Variants in RBFOX1 observed in about 807,000 individuals in gnomAD.
The protein encoded by RBFOX1 is RNA binding protein fox-1 homolog 1.
RBFOX1 carries 8 observed loss-of-function variants against 57.7 expected under a neutral mutation model. That is an observed-to-expected ratio of 0.14 (90% CI 0.08 to 0.25). RBFOX1 has a LOEUF of 0.25. RBFOX1 is among the 10% of genes least tolerant of loss of function. RBFOX1 has a pLI of 1.00. For missense variants in RBFOX1, 611 were observed against 548.5 expected (o/e 1.11, Z -1.14); for synonymous variants, 326 against 222.4 (o/e 1.47, Z -4.15).
At chr16:5,892,588 C>G (rs1328306265) in intron 4 of RBFOX1, among the ~76,000 whole-genome samples, 1 of 152,120 alleles carries the variant, frequency 6.6e-6, no homozygotes, top group Non-Finnish European at 1.5e-5. Context: ...GAGGCAATAA[C>G]CACTTTTTTT....
intron 1 of RBFOX1, among the ~76,000 whole-genome samples, chr16:5,286,429 A>G (rs1478314144): frequency 6.6e-6 from 1 of 152,212 alleles, no homozygotes; most frequent in Admixed American, 6.5e-5. Flanking sequence ...TGTGAGCACT[A>G]GCTCTGGAGG....
At chr16:7,235,519 C>A (rs370155136) in intron 4 of RBFOX1, among the ~76,000 whole-genome samples, 1 of 152,092 alleles carries the variant, frequency 6.6e-6, no homozygotes, top group African/African-American at 2.4e-5. Context: ...ATTTTATGGG[C>A]CCCCGTAGCT....
chr16:7,131,190 C>G (rs747653478), intron 4 of RBFOX1, among the ~76,000 whole-genome samples: 2 of 151,764 alleles, frequency 1.3e-5, no homozygotes, highest in South Asian at 2.1e-4. Context: ...ACTAAAAATA[C>G]AAAAAGTTAG....
intron 4 of RBFOX1, among the ~76,000 whole-genome samples, chr16:7,152,660 G>A (rs2076320863): frequency 6.6e-6 from 1 of 152,134 alleles, no homozygotes; most frequent in South Asian, 2.1e-4. Context: ...AGATGTCAGT[G>A]AAAAGGAATT....
chr16:6,782,214 C>T (rs1363862556), intron 3 of RBFOX1, among the ~76,000 whole-genome samples: 1 of 152,114 alleles, frequency 6.6e-6, no homozygotes, highest in African/African-American at 2.4e-5. Context: ...GCCATGTTGG[C>T]CAGGGTGATC....
Position 6,898,128 on chromosome 16 carries a change from A to G in RBFOX1, c.-15-153929A>G, listed in dbSNP as rs189074801. ...AAATTCCACACCATATTCAGGACCAATCTCTATTTTGCCAAATCATGCATC... is the reference window on the plus strand; with the variant it reads ...AAATTCCACACCATATTCAGGACCAGTCTCTATTTTGCCAAATCATGCATC... On this transcript the variant is annotated intron_variant, in intron 3 of 15. Transcript: ENST00000550418. Among the ~76,000 whole-genome samples the G allele has an allele frequency of 1.8e-4, 27 of 152,290 alleles. 1 individual carries two copies. The highest frequency in any genetic ancestry group is 6.0e-4 in the African/African-American group (25 of 41,568).
chr16:6,647,539 C>T (rs1359822913), intron 2 of RBFOX1, among the ~76,000 whole-genome samples: 2 of 152,164 alleles, frequency 1.3e-5, no homozygotes, highest in African/African-American at 2.4e-5. Flanking sequence ...TGAGCCACCA[C>T]ACCCAGCCAA....
At chr16:5,910,994 C>G (rs543330237) in intron 4 of RBFOX1, among the ~76,000 whole-genome samples, 1 of 152,296 alleles carries the variant, frequency 6.6e-6, no homozygotes, top group East Asian at 1.9e-4. Context: ...CCTAATAATG[C>G]AAATCATGCC....
chr16:6,160,233 T>C (rs935127359), intron 1 of RBFOX1, among the ~76,000 whole-genome samples: 6 of 152,190 alleles, frequency 3.9e-5, no homozygotes, highest in African/African-American at 1.4e-4. Context: ...GTAGGAGGTC[T>C]GATTTATGGC....
chr16:7,619,020 A>G (rs1248234477), intron 10 of RBFOX1, among the ~76,000 whole-genome samples: 11 of 152,238 alleles, frequency 7.2e-5, no homozygotes, highest in Admixed American at 6.5e-4. Flanking sequence ...TTTTCATTAA[A>G]CTGTATACCA....
At chr16:6,746,197 C>G (rs576109407) in intron 3 of RBFOX1, among the ~76,000 whole-genome samples, 2 of 152,176 alleles carry the variant, frequency 1.3e-5, no homozygotes, top group East Asian at 1.9e-4. Flanking sequence ...CCTAATTGAT[C>G]TGTAGATTCA....
At chr16:6,567,237 C>G (rs1373870671) in intron 2 of RBFOX1, among the ~76,000 whole-genome samples, 2 of 152,158 alleles carry the variant, frequency 1.3e-5, no homozygotes, top group Non-Finnish European at 2.9e-5. Context: ...TTCCTAATCT[C>G]CAAATTTCAT....
intron 13 of RBFOX1, among the ~76,000 whole-genome samples, chr16:7,667,386 T>TAGCTAGAAATATATC (rs2069707709): frequency 6.6e-6 from 1 of 152,208 alleles, no homozygotes; most frequent in African/African-American, 2.4e-5. Context: ...AGATTCATCC[T>TAGCTAGAAATATATC]AGCTAGAAAT....
intron 3 of RBFOX1, among the ~76,000 whole-genome samples, chr16:6,924,956 C>T (rs371991691): frequency 2.7e-4 from 40 of 150,136 alleles, no homozygotes; most frequent in East Asian, 2.0e-3. Flanking sequence ...TTTGCCCTTG[C>T]GATAGTTTGC....
chr16:6,673,569 A>G (rs2098781448), intron 3 of RBFOX1, among the ~76,000 whole-genome samples: 1 of 152,132 alleles, frequency 6.6e-6, no homozygotes, highest in Non-Finnish European at 1.5e-5. Flanking sequence ...GCGCCACTGC[A>G]CTCAAGCCTG....
intron 1 of RBFOX1, among the ~76,000 whole-genome samples, chr16:6,186,508 G>A (rs1026180423): frequency 7.9e-5 from 12 of 152,158 alleles, no homozygotes; most frequent in Admixed American, 2.6e-4. Flanking sequence ...GAATGGAGAT[G>A]GATATAGTGA....
At chr16:6,995,288 C>T (rs1227640749) in intron 3 of RBFOX1, among the ~76,000 whole-genome samples, 3 of 75,480 alleles carry the variant, frequency 4.0e-5, no homozygotes, top group Non-Finnish European at 7.9e-5. Context: ...CTGAAAGTAG[C>T]CTTGTGTGTG....
At chr16:6,527,519 G>T (rs888875186) in intron 2 of RBFOX1, among the ~76,000 whole-genome samples, 2 of 152,028 alleles carry the variant, frequency 1.3e-5, no homozygotes, top group Non-Finnish European at 2.9e-5. Context: ...TTTTGGTTAT[G>T]TTTCTGTCTG....
Position 7,169,319 on chromosome 16 carries a change from A to G in RBFOX1, c.27+117221A>G, listed in dbSNP as rs147364729. 3.8e-4 allele frequency among the ~76,000 whole-genome samples: 58 copies of G among 152,344 alleles called. 1 individual carries two copies. Among genetic ancestry groups the G allele is most frequent in the African/African-American group, 1.2e-3 (51 of 41,576 alleles). On this transcript the variant is annotated intron_variant, in intron 4 of 15. Transcript: ENST00000550418. ...ACTAGCCATTTACTAAAAGCTTTGC[A>G]TATATCAGGGTTTCTGAATCTCAGC... is the stretch of plus-strand genomic sequence containing the variant.
Sources: allele counts gnomAD v4.1 joint callset (sites outside exome capture counted in the v4.1 genomes callset), GRCh38; gene constraint gnomAD v4.1.1; transcripts MANE v1.5; gene names NCBI Gene and HGNC (gene_info 2026-07-23, HGNC 2026-07-21).